The following CNOT4 variants were observed in gnomAD, a reference collection of about 807,000 sequenced individuals.
CNOT4 encodes CCR4-associated factor 4.
In CNOT4, 8 loss-of-function variants were observed where a neutral mutation model predicts 73.8. The observed-to-expected ratio is 0.11, with a 90% CI of 0.06 to 0.20. The LOEUF (loss-of-function observed/expected upper bound fraction) is 0.20. Ranked by LOEUF, CNOT4 falls within the 10% of genes least tolerant of loss-of-function variation. The probability of loss-of-function intolerance (pLI) is 1.00; values close to 1 mark genes in which losing one functional copy is unlikely to be tolerated. For missense variants in CNOT4, 564 were observed against 883.4 expected, an observed-to-expected ratio of 0.64 and a Z score of 4.58; for synonymous variants, 293 against 321.1, an observed-to-expected ratio of 0.91 and a Z score of 0.94.
chr7:135,400,080 G>A (rs1031769608), intron 7 of CNOT4, among the ~76,000 whole-genome samples: 4 of 151,982 alleles, frequency 2.6e-5, no homozygotes, highest in Non-Finnish European at 5.9e-5. Context: ...ATTTAAGTAG[G>A]TCCTTAAAAA....
At chr7:135,419,727 C>A (rs544093079) in intron 3 of CNOT4, among the ~76,000 whole-genome samples, 1 of 152,094 alleles carries the variant, frequency 6.6e-6, no homozygotes, top group Non-Finnish European at 1.5e-5. Flanking sequence ...ACTAGAGTTA[C>A]TTGAAACGGA....
At chr7:135,466,990 G>A (rs375368334) in intron 1 of CNOT4, among the ~76,000 whole-genome samples, 9 of 152,160 alleles carry the variant, frequency 5.9e-5, no homozygotes, top group Non-Finnish European at 1.0e-4. Context: ...ATTGTTAAGC[G>A]ATGCATAACT....
intron 1 of CNOT4, among the ~76,000 whole-genome samples, chr7:135,482,298 G>A (rs541889340): frequency 6.6e-5 from 10 of 152,180 alleles, no homozygotes; most frequent in Non-Finnish European, 1.2e-4. Flanking sequence ...GCTCATGCCT[G>A]TAATCCCAGC....
At chr7:135,497,479 C>CCA (rs1803665011) in intron 1 of CNOT4, among the ~76,000 whole-genome samples, 1 of 152,066 alleles carries the variant, frequency 6.6e-6, no homozygotes, top group Non-Finnish European at 1.5e-5. Context: ...TATTGAGCAT[C>CCA]TACCATCAAC....
intron 3 of CNOT4, among the ~76,000 whole-genome samples, chr7:135,419,455 A>G (rs1798057984): frequency 6.6e-6 from 1 of 152,194 alleles, no homozygotes. Flanking sequence ...ATTTTAAAAG[A>G]TATTATTTAG....
intron 10 of CNOT4, among the ~76,000 whole-genome samples, chr7:135,389,511 T>C (rs1269060166): frequency 5.6e-5 from 8 of 142,192 alleles, no homozygotes; most frequent in East Asian, 1.9e-4. Flanking sequence ...CAGAGAATTA[T>C]AGATGAATGA....
rs112853766 is a variant in CNOT4 at position 135,437,276 on chromosome 7, G to A, written c.174+882C>T. On this transcript the variant is annotated intron_variant, in intron 2 of 11. Coordinates refer to ENST00000541284, the MANE Select transcript of CNOT4 (RefSeq NM_001190850.2). ...ACGATCTCGGCTCACTGCAAGCTCC[G>A]CCTTCCGGGTTCACGCCATTCTCCT... is the stretch of plus-strand genomic sequence containing the variant. 5.3e-5 allele frequency among the ~76,000 whole-genome samples: 8 copies of A among 152,074 alleles called. 1 individual carries two copies. The highest frequency in any genetic ancestry group is 9.6e-5 in the African/African-American group (4 of 41,480).
At chr7:135,378,078 A>T (rs1235296712) in intron 10 of CNOT4, among the ~76,000 whole-genome samples, 1 of 152,140 alleles carries the variant, frequency 6.6e-6, no homozygotes, top group Non-Finnish European at 1.5e-5. Context: ...AAGTTGGGGG[A>T]ACTGAGTAAT....
chr7:135,398,096 A>C, intron 8 of CNOT4, 73 bp downstream of exon 8: 2 of 819,916 alleles, frequency 2.4e-6, no homozygotes, highest in Non-Finnish European at 4.2e-6. Context: ...ATTTTTAGAA[A>C]ATTCACCTGC....
At chr7:135,492,921 AG>A (rs1803211111) in intron 1 of CNOT4, among the ~76,000 whole-genome samples, 1 of 152,350 alleles carries the variant, frequency 6.6e-6, no homozygotes, top group South Asian at 2.1e-4. Flanking sequence ...AAGAATTAAA[AG>A]AGACTTAGTG....
intron 10 of CNOT4, among the ~76,000 whole-genome samples, chr7:135,385,965 G>A (rs780849105): frequency 1.3e-5 from 2 of 151,920 alleles, no homozygotes; most frequent in Non-Finnish European, 2.9e-5. Flanking sequence ...GTACACAAAA[G>A]TAACACATGG....
intron 7 of CNOT4, among the ~76,000 whole-genome samples, chr7:135,400,205 T>G (rs1484847788): frequency 6.6e-6 from 1 of 151,770 alleles, no homozygotes; most frequent in Non-Finnish European, 1.5e-5. Context: ...AGCTAAGTAT[T>G]TAGTTTAGCT....
intron 1 of CNOT4, among the ~76,000 whole-genome samples, chr7:135,495,898 C>G (rs1803542538): frequency 6.6e-6 from 1 of 151,964 alleles, no homozygotes; most frequent in Non-Finnish European, 1.5e-5. Flanking sequence ...TGTGCCACTG[C>G]ACTCCAGCCT....
chr7:135,485,445 G>A (rs1298282006), intron 1 of CNOT4, among the ~76,000 whole-genome samples: 1 of 150,776 alleles, frequency 6.6e-6, no homozygotes, highest in Non-Finnish European at 1.5e-5. Flanking sequence ...GAGACCTAAA[G>A]CAGTTTTGTG....
At chr7:135,450,647 C>G (rs1338613413) in intron 1 of CNOT4, among the ~76,000 whole-genome samples, 1 of 152,160 alleles carries the variant, frequency 6.6e-6, no homozygotes, top group Non-Finnish European at 1.5e-5. Flanking sequence ...AGCCGCTGTG[C>G]CCAGCTACAG....
intron 1 of CNOT4, among the ~76,000 whole-genome samples, chr7:135,460,662 T>C (rs1031074772): frequency 2.6e-5 from 4 of 152,280 alleles, no homozygotes; most frequent in East Asian, 1.9e-4. Flanking sequence ...GTGTGAAATA[T>C]TGTGAGAATT....
intron 1 of CNOT4, among the ~76,000 whole-genome samples, chr7:135,503,830 A>C (rs1804164246): frequency 6.6e-6 from 1 of 152,208 alleles, no homozygotes. Context: ...TACTAAAAGC[A>C]ACACTGTTTA....
Position 135,362,602 on chromosome 7 carries a change from T to C in CNOT4, c.*283A>G, listed in dbSNP as rs534435440. 1 of 547,530 alleles carries C rather than the reference T, an allele frequency of 1.8e-6. No homozygotes were observed. The highest frequency in any genetic ancestry group is 2.0e-5 in the South Asian group (1 of 49,180). 33.9% of individuals were successfully genotyped at this position (547,530 alleles called of 1,614,324 possible). On this transcript the variant is annotated 3_prime_UTR_variant, in exon 12 of 12. Coordinates refer to ENST00000541284, the MANE Select transcript of CNOT4 (RefSeq NM_001190850.2). ...CAGACAAACAATAATTTTCTAAGTA[T>C]TGAGACTGCCCTTTGATTTTTTTTT...
intron 1 of CNOT4, chr7:135,509,067 C>T (rs1454937964): frequency 3.9e-5 from 6 of 152,298 alleles, no homozygotes; most frequent in Admixed American, 6.5e-5. Context: ...TAATAGTATC[C>T]TACCTCACTT....
Sources: allele counts gnomAD v4.1 joint callset (sites outside exome capture counted in the v4.1 genomes callset), GRCh38; gene constraint gnomAD v4.1.1; transcripts MANE v1.5; gene names NCBI Gene and HGNC (gene_info 2026-07-23, HGNC 2026-07-21).